The following FAM151B variants were observed in gnomAD, a reference collection of about 807,000 sequenced individuals.
FAM151B encodes the protein protein FAM151B.
A neutral mutation model predicts 31.2 loss-of-function variants in FAM151B; 24 were observed. That is an observed-to-expected ratio of 0.77 (90% CI 0.56 to 1.08). FAM151B has a LOEUF of 1.08. Ranked by LOEUF, FAM151B falls within the 50% of genes least tolerant of loss-of-function variation. FAM151B has a pLI of 0.00. For missense variants in FAM151B, 293 were observed against 328.6 expected, an observed-to-expected ratio of 0.89 and a Z score of 0.84; for synonymous variants, 105 against 111.4, an observed-to-expected ratio of 0.94 and a Z score of 0.36.
At chr5:80,495,151 A>T (rs573964246) in intron 1 of FAM151B, 41 of 152,332 alleles carry the variant, frequency 2.7e-4, no homozygotes, top group African/African-American at 9.6e-4. Context: ...CAGGAAAAAA[A>T]ATATTTCTTT....
At position 80,501,193 on chromosome 5, in the gene FAM151B, T is replaced by TA. The variant is rs377528292; in HGVS notation, c.26-598dup. 837 of 311,502 alleles carry TA rather than the reference T, an allele frequency of 2.7e-3. 5 individuals are homozygous for TA. Among genetic ancestry groups the TA allele is most frequent in the African/African-American group, 0.018 (787 of 44,806 alleles). 19.3% of individuals were successfully genotyped at this position (311,502 alleles called of 1,614,324 possible). A position where few individuals can be genotyped will look rare whatever the true frequency, so the allele number is the denominator to read the frequency against. On this transcript the variant is annotated intron_variant, in intron 1 of 5. Transcript: ENST00000282226. ...CACACCTGGCTAATTTTTTTTTTTTTATTTTTGTTAGAGACAGGGTTCCAC... is the reference window on the plus strand; with the variant it reads ...CACACCTGGCTAATTTTTTTTTTTTTAATTTTTGTTAGAGACAGGGTTCCAC...
At chr5:80,535,678 G>A (rs1239327127) in intron 5 of FAM151B, among the ~76,000 whole-genome samples, 3 of 152,150 alleles carry the variant, frequency 2.0e-5, no homozygotes, top group African/African-American at 4.8e-5. Flanking sequence ...CATTGGTCTT[G>A]GCAAAGATTT....
At chr5:80,526,293 T>A (rs1744962248) in intron 5 of FAM151B, among the ~76,000 whole-genome samples, 1 of 152,140 alleles carries the variant, frequency 6.6e-6, no homozygotes, top group African/African-American at 2.4e-5. Flanking sequence ...ATCTATATCC[T>A]AAATTCTCTT....
At chr5:80,518,082 A>G (rs902041838) in intron 3 of FAM151B, among the ~76,000 whole-genome samples, 1 of 143,122 alleles carries the variant, frequency 7.0e-6, no homozygotes, top group Non-Finnish European at 1.6e-5. Flanking sequence ...AAAGAAAAAA[A>G]AAAAAAAAAA....
At chr5:80,537,635 A>G (rs189274170) in intron 5 of FAM151B, among the ~76,000 whole-genome samples, 29 of 152,276 alleles carry the variant, frequency 1.9e-4, no homozygotes, top group African/African-American at 6.3e-4. Flanking sequence ...GTTATAACAC[A>G]TTGGCTATAA....
At chr5:80,530,471 G>A (rs1483632870) in intron 5 of FAM151B, among the ~76,000 whole-genome samples, 1 of 152,128 alleles carries the variant, frequency 6.6e-6, no homozygotes, top group East Asian at 1.9e-4. Context: ...TGACATGATT[G>A]TATATTTAGA....
At chr5:80,505,823 C>T (rs1295106057) in intron 2 of FAM151B, 1 of 129,210 alleles carries the variant, frequency 7.7e-6, no homozygotes, top group East Asian at 2.6e-4. Flanking sequence ...ATGGCACAAT[C>T]TCGGCTCACT....
chr5:80,502,182 T>C (rs146104489), intron 2 of FAM151B, among the ~76,000 whole-genome samples: 1,585 of 152,258 alleles, frequency 0.01, 12 homozygotes, highest in Middle Eastern at 0.017. Context: ...GCTCAGGTAA[T>C]CTGTGAGCCA....
At chr5:80,534,980 A>G (rs983440645) in intron 5 of FAM151B, among the ~76,000 whole-genome samples, 23 of 152,328 alleles carry the variant, frequency 1.5e-4, no homozygotes, top group African/African-American at 5.1e-4. Flanking sequence ...TTAAAAAAGA[A>G]ATCAGAAAAG....
intron 2 of FAM151B, among the ~76,000 whole-genome samples, chr5:80,505,017 C>T (rs1743898285): frequency 1.3e-5 from 2 of 152,296 alleles, no homozygotes; most frequent in African/African-American, 4.8e-5. Flanking sequence ...GCGAGATAAG[C>T]CACACAAACA....
At chr5:80,540,824 A>C (rs185508900) in intron 5 of FAM151B, among the ~76,000 whole-genome samples, 2 of 152,358 alleles carry the variant, frequency 1.3e-5, no homozygotes, top group East Asian at 3.9e-4. Context: ...TTGTATTTCC[A>C]GAATGGTGTC....
chr5:80,522,908 A>G (rs1580443572), intron 5 of FAM151B, among the ~76,000 whole-genome samples: 1 of 152,192 alleles, frequency 6.6e-6, no homozygotes, highest in South Asian at 2.1e-4. Flanking sequence ...TAAGAGATCA[A>G]TCAGTAGAAC....
intron 2 of FAM151B, among the ~76,000 whole-genome samples, chr5:80,502,757 G>A (rs147842212): frequency 9.9e-4 from 150 of 152,216 alleles, no homozygotes; most frequent in Non-Finnish European, 1.8e-3. Context: ...ATGCATTTTT[G>A]CATCCTAATT....
chr5:80,516,499 G>C (rs1394491124), intron 3 of FAM151B, among the ~76,000 whole-genome samples: 1 of 151,858 alleles, frequency 6.6e-6, no homozygotes, highest in Non-Finnish European at 1.5e-5. Context: ...AGGAAAACAG[G>C]GTATGATATT....
chr5:80,488,216 T>G, intron 1 of FAM151B, 68 bp downstream of exon 1: 1 of 1,496,562 alleles, frequency 6.7e-7, no homozygotes, highest in East Asian at 2.6e-5. Flanking sequence ...GGCCGTACCC[T>G]CCCTTTGCGG....
chr5:80,503,856 A>C (rs1743841582), intron 2 of FAM151B, among the ~76,000 whole-genome samples: 1 of 151,850 alleles, frequency 6.6e-6, no homozygotes, highest in Non-Finnish European at 1.5e-5. Context: ...TGATATACAG[A>C]CTTCCTCCTC....
intron 2 of FAM151B, among the ~76,000 whole-genome samples, chr5:80,505,646 G>A (rs186139807): frequency 0.011 from 1,616 of 151,272 alleles, 26 homozygotes; most frequent in African/African-American, 0.036. Flanking sequence ...TGCCCGCCTC[G>A]GCCTCCTAAC....
chr5:80,535,225 T>G lies in FAM151B; in HGVS notation c.672-6448T>G, dbSNP rs573413760. Among the ~76,000 whole-genome samples the G allele has an allele frequency of 6.0e-4, 91 of 152,344 alleles. No homozygotes were observed. In the South Asian group the frequency reaches 8.9e-3, roughly 15 times the overall value. ...AGTCCCTATCAAAATTCCAATGACA[T>G]TCTTCACAGAAATATTTTAAAAATC... On this transcript the variant is annotated intron_variant, in intron 5 of 5. Coordinates refer to ENST00000282226, the MANE Select transcript of FAM151B (RefSeq NM_205548.3).
chr5:80,525,941 G>A (rs1327220489), intron 5 of FAM151B, among the ~76,000 whole-genome samples: 1 of 151,726 alleles, frequency 6.6e-6, no homozygotes, highest in Non-Finnish European at 1.5e-5. Flanking sequence ...TATACTAGGA[G>A]TATTTATATT....
Sources: allele counts gnomAD v4.1 joint callset (sites outside exome capture counted in the v4.1 genomes callset), GRCh38; gene constraint gnomAD v4.1.1; transcripts MANE v1.5; gene names NCBI Gene and HGNC (gene_info 2026-07-23, HGNC 2026-07-21).